Variants in HMCN2 observed in about 807,000 individuals in gnomAD.
The protein encoded by HMCN2 is hemicentin-2.
In HMCN2, 325 loss-of-function variants were observed where a neutral mutation model predicts 377.5. That is an observed-to-expected ratio of 0.86 (90% CI 0.79 to 0.94). The LOEUF is 0.94. HMCN2 is among the 40% of genes least tolerant of loss of function. The probability of loss-of-function intolerance (pLI) is 0.00; values close to 1 mark genes in which losing one functional copy is unlikely to be tolerated. For missense variants in HMCN2, 4,543 were observed against 4,725.3 expected (o/e 0.96, Z 1.13); for synonymous variants, 2,007 against 2,046.8 (o/e 0.98, Z 0.53).
chr9:130,294,737 C>T lies in HMCN2; in HGVS notation c.613-118C>T, dbSNP rs1384839515. The T allele has an allele frequency of 2.1e-5, 7 of 339,092 alleles. 1 individual carries two copies. In the East Asian group the frequency reaches 6.2e-4, roughly 30 times the overall value. 21.0% of individuals were successfully genotyped at this position (339,092 alleles called of 1,614,324 possible). On this transcript the variant is annotated intron_variant, in intron 4 of 97. Transcript: ENST00000683500. Reference sequence around the variant, plus strand: ...TGTGTGAATTGGGCCTGGTGTTGGACATGGAGGAGTGGGGTGGCCTTGGGC... The same window carrying T: ...TGTGTGAATTGGGCCTGGTGTTGGATATGGAGGAGTGGGGTGGCCTTGGGC...
At position 130,368,398 on chromosome 9, in the gene HMCN2, G is replaced by A; in HGVS notation, c.6748G>A (p.Val2250Met). ...ATACACCTGTGAATGCAGCAACGTG[G>A]TGGGGAACAGCAGCCAGGACCTGCA... ...GTYTCECSNV[V>M]GNSSQDLQLE... The change falls in exon 44 of 98, where the codon GTG (valine) becomes ATG (methionine). Residue 2250 changes from valine to methionine, a missense_variant. Around this residue, in one of 5 missense-constraint regions of HMCN2, gnomAD observed 1,032 missense variants for 1,285.1 expected, o/e 0.80. Transcript: ENST00000683500. The A allele has an allele frequency of 3.0e-6, 3 of 986,214 alleles. No individual in the cohort carries two copies. Among genetic ancestry groups the A allele is most frequent in the South Asian group, 4.7e-5 (1 of 21,292 alleles). 61.1% of individuals were successfully genotyped at this position (986,214 alleles called of 1,614,324 possible).
At chr9:130,366,469 T>TCACCAA (rs1840694461) in intron 43 of HMCN2, among the ~76,000 whole-genome samples, 1 of 38,160 alleles carries the variant, frequency 2.6e-5, no homozygotes. Flanking sequence ...CTTCACCAAT[T>TCACCAA]TTTTTTTTTT....
chr9:130,403,052 T>C (rs1485911794), intron 78 of HMCN2, 142 bp from the exon 79 acceptor site: 1 of 1,038,742 alleles, frequency 9.6e-7, no homozygotes, highest in Non-Finnish European at 1.3e-6. Context: ...GAATCAGCCA[T>C]GGCGTCCTTG....
intron 41 of HMCN2, 127 bp downstream of exon 41, chr9:130,365,016 A>G: frequency 2.0e-6 from 1 of 499,988 alleles, no homozygotes; most frequent in Non-Finnish European, 2.6e-6. Context: ...ACAAAACCCC[A>G]GGACTGGTTC....
chr9:130,428,363 G>A lies in HMCN2; in HGVS notation c.14071G>A (p.Asp4691Asn). 1 of 1,546,694 alleles carries A rather than the reference G, an allele frequency of 6.5e-7. No homozygotes were observed. The highest frequency in any genetic ancestry group is 8.7e-7 in the Non-Finnish European group (1 of 1,146,140). ...CTGCCCTGATCTGCCCCCAGATGTG[G>A]ACGAGTGTGCGTGGGATGCTCACCT... is the stretch of plus-strand genomic sequence containing the variant. ...AWDDRNCRDV[D>N]ECAWDAHLCR... The change falls in exon 93 of 98, where the codon GAC becomes AAC. Residue 4691 changes from aspartate (D) to asparagine (N), a missense_variant. Physicochemically the swap from Asp to Asn is conservative, Grantham distance 23. Around this residue, in one of 5 missense-constraint regions of HMCN2, gnomAD observed 1,155 missense variants for 1,157.7 expected, o/e 1.00. Transcript: ENST00000683500. This position sits in a 1 kb window ranked among gnomAD's most constrained non-coding sequence, Gnocchi z 5.0.
intron 90 of HMCN2, among the ~76,000 whole-genome samples, chr9:130,426,993 A>G (rs1346762884): frequency 1.3e-5 from 2 of 151,996 alleles, no homozygotes; most frequent in East Asian, 3.9e-4. Flanking sequence ...GTCTCTGTGC[A>G]TTGCTGCTAT....
Position 130,425,128 on chromosome 9 carries a change from C to T in HMCN2, c.13639C>T (p.Gln4547Ter), listed in dbSNP as rs550960529. Reference protein sequence around the residue: ...ESLADADLQVQDFEEHYVQTG... With the variant: ...ESLADADLQV ...CCTGGCTGACGCAGATCTTCAAGTG[C>T]AGGTCGGGGGTCAAGCCCTGGGGTG... Residue 4547 changes from glutamine to a stop codon, truncating the protein, a stop_gained and splice_region_variant, in exon 89 of 98, where the codon CAG becomes TAG. Coordinates refer to ENST00000683500, the MANE Select transcript of HMCN2 (RefSeq NM_001291815.2). LOFTEE classifies it high-confidence loss of function. 446 of 1,547,338 alleles carry T rather than the reference C, an allele frequency of 2.9e-4. 5 individuals are homozygous for T. In the South Asian group the frequency reaches 2.9e-3, roughly 10 times the overall value.
Position 130,265,968 on chromosome 9 carries a change from GC to G in HMCN2, c.96del (p.Thr33ProfsTer21). 1 of 466,166 alleles carries G rather than the reference GC, an allele frequency of 2.1e-6. No individual in the cohort carries two copies. 28.9% of individuals were successfully genotyped at this position (466,166 alleles called of 1,614,324 possible). A position where few individuals can be genotyped will look rare whatever the true frequency, so the allele number is the denominator to read the frequency against. ...AVAGAPGTVM[P>X]PTTGDATLAF... The stretch of plus-strand genomic sequence containing the variant: ...TGGCCGGGGCGCCCGGGACGGTAAT[GC>G]CCCCCACCACGGGGGACGCCACCCT... On this transcript the variant is annotated frameshift_variant, in exon 1 of 98. Transcript: ENST00000683500. LOFTEE classifies it high-confidence loss of function.
At position 130,369,444 on chromosome 9, in the gene HMCN2, G is replaced by A. The variant is rs10793937; in HGVS notation, c.6788-126G>A. 44,056 of 369,394 alleles carry A rather than the reference G, an allele frequency of 0.12. 2,981 individuals are homozygous for A. The highest frequency in any genetic ancestry group is 0.2 in the African/African-American group (9,228 of 45,428). The allele number at this position is 369,394 out of a possible 1,614,324, so 22.9% of individuals were successfully genotyped here. ...TGTTGGGAAGGAAAATGGAGGTGAG[G>A]TCACGAGGTCACACAGCCAGCGATG... is the stretch of plus-strand genomic sequence containing the variant. On this transcript the variant is annotated intron_variant, in intron 44 of 97. Transcript: ENST00000683500. This position sits in a 1 kb window ranked among gnomAD's most constrained non-coding sequence, Gnocchi z 4.5.
chr9:130,302,204 C>T (rs533965799), intron 8 of HMCN2, among the ~76,000 whole-genome samples: 19 of 152,190 alleles, frequency 1.2e-4, no homozygotes, highest in African/African-American at 3.9e-4. Context: ...CGCGACACCA[C>T]GCCCAGCTAA....
Position 130,325,719 on chromosome 9 carries a change from C to T in HMCN2, c.3033+12C>T, listed in dbSNP as rs1409030886. 2 of 152,270 alleles carry T rather than the reference C, an allele frequency of 1.3e-5. No homozygotes were observed. Among genetic ancestry groups the T allele is most frequent in the Non-Finnish European group, 2.9e-5 (2 of 68,076 alleles). The allele number at this position is 152,270 out of a possible 1,614,324, so 9.4% of individuals were successfully genotyped here. On this transcript the variant is annotated intron_variant, in intron 20 of 97. Coordinates refer to ENST00000683500, the MANE Select transcript of HMCN2 (RefSeq NM_001291815.2). Reference sequence around the variant, plus strand: ...TCACGTGGACCAAGGTAAGCAGTGCCTGTTACCGAGAGGATAACTGGAGAG... The same window carrying T: ...TCACGTGGACCAAGGTAAGCAGTGCTTGTTACCGAGAGGATAACTGGAGAG...
intron 95 of HMCN2, 38 bp from the exon 96 acceptor site, chr9:130,431,329 C>T: frequency 1.3e-6 from 2 of 1,539,370 alleles, no homozygotes; most frequent in South Asian, 1.2e-5. Flanking sequence ...TCTCTCTGCC[C>T]CCATCCCCCA....
At chr9:130,276,395 T>A (rs1242667668) in intron 1 of HMCN2, among the ~76,000 whole-genome samples, 1 of 48,736 alleles carries the variant, frequency 2.1e-5, no homozygotes, top group East Asian at 5.5e-4. Context: ...GCTGGGTGGG[T>A]GGGGGAGGGT....
At chr9:130,273,824 C>T (rs1454091360) in intron 1 of HMCN2, among the ~76,000 whole-genome samples, 1 of 152,146 alleles carries the variant, frequency 6.6e-6, no homozygotes, top group Non-Finnish European at 1.5e-5. Flanking sequence ...GATTTTGCAC[C>T]ACTCATTGTA....
At chr9:130,279,225 C>T (rs1355348456) in intron 1 of HMCN2, among the ~76,000 whole-genome samples, 2 of 152,064 alleles carry the variant, frequency 1.3e-5, no homozygotes, top group Non-Finnish European at 2.9e-5. Flanking sequence ...TCACTGCATG[C>T]GTGATGTATC....
rs1234405844 is a variant in HMCN2, at chr9:130,422,863, C to T, written c.13381+137C>T. The T allele has an allele frequency of 3.0e-6, 2 of 670,930 alleles. No homozygotes were observed. Among genetic ancestry groups the T allele is most frequent in the Non-Finnish European group, 4.2e-6 (2 of 474,584 alleles). The allele number at this position is 670,930 out of a possible 1,614,324, so 41.6% of individuals were successfully genotyped here. On this transcript the variant is annotated intron_variant, in intron 87 of 97. Coordinates refer to ENST00000683500, the MANE Select transcript of HMCN2 (RefSeq NM_001291815.2). The surrounding 1 kb of genome is among the most constrained non-coding windows in gnomAD (Gnocchi z 4.2). ...TCAAGGCCTGATGACCAGAGCACGT[C>T]TGACCATCTCTCAAAGCTGAGTGCA...
Position 130,397,574 on chromosome 9 carries a change from G to A in HMCN2, c.11245G>A (p.Ala3749Thr). 2 of 1,289,826 alleles carry A rather than the reference G, an allele frequency of 1.6e-6. No homozygotes were observed. Among genetic ancestry groups the A allele is most frequent in the Non-Finnish European group, 2.0e-6 (2 of 988,870 alleles). The allele number at this position is 1,289,826 out of a possible 1,614,324, so 79.9% of individuals were successfully genotyped here. ...TTCCCTGAGAATCCAGCCAGTCCTTGCCCAGGACGCCGGCCACTACCTCTG... is the reference window on the plus strand; with the variant it reads ...TTCCCTGAGAATCCAGCCAGTCCTTACCCAGGACGCCGGCCACTACCTCTG... ...EGSLRIQPVLAQDAGHYLCLA... is the reference protein window; with the variant it reads ...EGSLRIQPVLTQDAGHYLCLA... Residue 3749 changes from alanine to threonine, a missense_variant, in exon 74 of 98, where the codon GCC becomes ACC. Physicochemically the swap from Ala to Thr is moderately conservative, Grantham distance 58. Coordinates refer to ENST00000683500, the MANE Select transcript of HMCN2 (RefSeq NM_001291815.2).
intron 55 of HMCN2, 128 bp downstream of exon 55, chr9:130,382,425 C>T (rs890352297): frequency 2.5e-5 from 7 of 283,342 alleles, no homozygotes; most frequent in Non-Finnish European, 3.7e-5. Context: ...GAGTTACATG[C>T]TCGGCCTCAA....
In HMCN2 at chr9:130,274,695, A is replaced by G. The variant is rs1350397539; in HGVS notation, c.259+8558A>G. Among the ~76,000 whole-genome samples, 5 of 152,204 alleles carry G rather than the reference A, an allele frequency of 3.3e-5. No individual in the cohort carries two copies. The East Asian group carries it at 9.6e-4, about 29-fold the overall frequency. On this transcript the variant is annotated intron_variant, in intron 1 of 97. Transcript: ENST00000683500. ...AGATCTTGTGTGCATGTATGTGTAT[A>G]CATTCACTCGTGTTAAACATACCTA...
Sources: gnomAD v4.1 joint callset for allele counts (sites outside exome capture counted in the v4.1 genomes callset) on GRCh38, gnomAD v4.1.1 for gene constraint, gnomAD v4.1.1 regional missense constraint, Gnocchi (gnomAD v3.1) non-coding constraint, MANE v1.5 for transcripts, NCBI Gene and HGNC (gene_info 2026-07-23, HGNC 2026-07-21) for gene names.